Variants in LDLRAD4 observed in about 807,000 individuals in gnomAD.
LDLRAD4 encodes low-density lipoprotein receptor class A domain-containing protein 4.
Under a neutral mutation model 17.0 loss-of-function variants are expected in LDLRAD4, and 5 were observed. That is an observed-to-expected ratio of 0.29 (90% CI 0.15 to 0.62). The LOEUF (loss-of-function observed/expected upper bound fraction) is 0.62. Ranked by LOEUF, LDLRAD4 falls within the 20% of genes least tolerant of loss-of-function variation. The pLI is 0.84. For synonymous variants in LDLRAD4, 168 were observed against 171.8 expected (o/e 0.98, Z 0.17); for missense variants, 340 against 424.7 (o/e 0.80, Z 1.75).
intron 1 of LDLRAD4, among the ~76,000 whole-genome samples, chr18:13,260,764 T>C (rs1425870031): frequency 6.6e-6 from 1 of 152,242 alleles, no homozygotes; most frequent in Non-Finnish European, 1.5e-5. Flanking sequence ...CATCCTTGAA[T>C]ACCCACTGTT....
At chr18:13,592,249 T>G (rs138920242) in intron 3 of LDLRAD4, among the ~76,000 whole-genome samples, 63 of 152,348 alleles carry the variant, frequency 4.1e-4, no homozygotes, top group Middle Eastern at 6.8e-3. Context: ...CAGTGAGAAA[T>G]GCATCTTGCA....
chr18:13,327,342 A>G (rs112150944), intron 1 of LDLRAD4, among the ~76,000 whole-genome samples: 2,366 of 152,108 alleles, frequency 0.016, 30 homozygotes, highest in African/African-American at 0.043. Flanking sequence ...GCCCCAAGGG[A>G]CATGGGGCCT....
chr18:13,499,189 C>A (rs1336703969), intron 3 of LDLRAD4, among the ~76,000 whole-genome samples: 1 of 145,500 alleles, frequency 6.9e-6, no homozygotes, highest in African/African-American at 2.6e-5. Flanking sequence ...AATCCTTCTA[C>A]TCACACACAT....
chr18:13,636,245 G>A lies in LDLRAD4; in HGVS notation c.337-7114G>A, dbSNP rs185444407. 2.6e-4 allele frequency among the ~76,000 whole-genome samples: 39 copies of A among 152,132 alleles called. 1 individual carries two copies. Among genetic ancestry groups the A allele is most frequent in the Admixed American group, 1.7e-3 (26 of 15,286 alleles). On this transcript the variant is annotated intron_variant, in intron 4 of 5. Coordinates refer to ENST00000359446, the Ensembl canonical transcript of LDLRAD4. ...CACAGTCCCAGCATGCTCAAGTCCCGCAGTCTGTCCTGCTGAACCCATGGA... is the reference window on the plus strand; with the variant it reads ...CACAGTCCCAGCATGCTCAAGTCCCACAGTCTGTCCTGCTGAACCCATGGA...
At chr18:13,602,204 G>T (rs551203745) in intron 3 of LDLRAD4, among the ~76,000 whole-genome samples, 1 of 152,124 alleles carries the variant, frequency 6.6e-6, no homozygotes, top group African/African-American at 2.4e-5. Context: ...ACTTCCTATC[G>T]GGTATTATGC....
At chr18:13,397,298 C>T (rs530841299) in intron 2 of LDLRAD4, among the ~76,000 whole-genome samples, 2 of 152,204 alleles carry the variant, frequency 1.3e-5, no homozygotes, top group Non-Finnish European at 2.9e-5. Flanking sequence ...CACCCGCCAC[C>T]ACACCTGCCT....
At chr18:13,343,131 G>C (rs905143352) in intron 1 of LDLRAD4, among the ~76,000 whole-genome samples, 2 of 151,834 alleles carry the variant, frequency 1.3e-5, no homozygotes, top group African/African-American at 4.8e-5. Context: ...TGTGCACAAC[G>C]TGCAGGTTAG....
chr18:13,477,158 C>G (rs1055441972), intron 3 of LDLRAD4, among the ~76,000 whole-genome samples: 2 of 152,152 alleles, frequency 1.3e-5, no homozygotes, highest in Non-Finnish European at 2.9e-5. Context: ...CCCTAATTTT[C>G]CCCAGAGGGG....
rs923052268 is a variant in LDLRAD4, at chr18:13,440,336, G to T, written c.181+1952G>T. ...GGTTTTTGAGGCCTATCTCCAGATC[G>T]CTTTTCCACTCATTTTTTAAAATGC... On this transcript the variant is annotated intron_variant, in intron 3 of 5. Transcript: ENST00000359446. This position sits in a 1 kb window ranked among gnomAD's most constrained non-coding sequence, Gnocchi z 4.4. Among the ~76,000 whole-genome samples the T allele has an allele frequency of 6.6e-6, 1 of 151,910 alleles. No individual in the cohort carries two copies. The highest frequency in any genetic ancestry group is 2.4e-5 in the African/African-American group (1 of 41,320).
intron 3 of LDLRAD4, among the ~76,000 whole-genome samples, chr18:13,508,657 T>C (rs2093731665): frequency 6.6e-6 from 1 of 152,198 alleles, no homozygotes; most frequent in Non-Finnish European, 1.5e-5. Flanking sequence ...TCCATAGATG[T>C]ATTTTTAGCC....
intron 4 of LDLRAD4, chr18:13,641,745 G>C: frequency 1.0e-6 from 1 of 985,312 alleles, no homozygotes; most frequent in Non-Finnish European, 1.2e-6. Flanking sequence ...GCGGGGCGCT[G>C]GGTCAGCCGA....
intron 1 of LDLRAD4, among the ~76,000 whole-genome samples, chr18:13,317,263 C>T (rs144742759): frequency 3.2e-4 from 48 of 152,326 alleles, no homozygotes; most frequent in Admixed American, 1.8e-3. Flanking sequence ...TAAATTGCCC[C>T]TACACGTATC....
chr18:13,413,007 C>G (rs1446282855), intron 2 of LDLRAD4, among the ~76,000 whole-genome samples: 1 of 152,208 alleles, frequency 6.6e-6, no homozygotes, highest in Non-Finnish European at 1.5e-5. Flanking sequence ...GACAGGATCA[C>G]AGCAAGGCTG....
chr18:13,493,325 A>G (rs1334497516), intron 3 of LDLRAD4, among the ~76,000 whole-genome samples: 2 of 151,950 alleles, frequency 1.3e-5, no homozygotes, highest in South Asian at 2.1e-4. Flanking sequence ...TTCTTTTTCT[A>G]TTTTTTTGCA....
chr18:13,550,833 C>T (rs910947439), intron 3 of LDLRAD4, among the ~76,000 whole-genome samples: 1 of 152,144 alleles, frequency 6.6e-6, no homozygotes, highest in African/African-American at 2.4e-5. Context: ...AAGTCCCTTC[C>T]TCTGCGAGCA....
Position 13,536,620 on chromosome 18 carries a change from T to C in LDLRAD4, c.182-84497T>C, listed in dbSNP as rs375345792. On this transcript the variant is annotated intron_variant, in intron 3 of 5. Coordinates refer to ENST00000359446, the Ensembl canonical transcript of LDLRAD4. ...TATGCCTTTAATGTCTTTTTTTTTT[T>C]ACTTTACTGCACTGTTCAGAACCTT... Among the ~76,000 whole-genome samples, 22 of 152,176 alleles carry C rather than the reference T, an allele frequency of 1.4e-4. 1 individual carries two copies. The South Asian group carries it at 3.7e-3, about 26-fold the overall frequency.
At chr18:13,231,246 C>T (rs1323395444) in intron 1 of LDLRAD4, among the ~76,000 whole-genome samples, 2 of 152,094 alleles carry the variant, frequency 1.3e-5, no homozygotes, top group Admixed American at 1.3e-4. Flanking sequence ...GGGGTCTGGA[C>T]CGGTTTTGCT....
chr18:13,397,358 T>C (rs2086789499), intron 2 of LDLRAD4, among the ~76,000 whole-genome samples: 1 of 152,206 alleles, frequency 6.6e-6, no homozygotes, highest in Non-Finnish European at 1.5e-5. Context: ...TTAGCCAGGA[T>C]GGTCTCTATC....
intron 1 of LDLRAD4, among the ~76,000 whole-genome samples, chr18:13,301,777 G>A (rs2046617480): frequency 6.6e-6 from 1 of 152,186 alleles, no homozygotes; most frequent in Admixed American, 6.5e-5. Flanking sequence ...GTGATGGATG[G>A]CCTAAAGAAA....
Sources: gnomAD v4.1 joint callset for allele counts (sites outside exome capture counted in the v4.1 genomes callset) on GRCh38, gnomAD v4.1.1 for gene constraint, Gnocchi (gnomAD v3.1) non-coding constraint, MANE v1.5 for transcripts, NCBI Gene and HGNC (gene_info 2026-07-23, HGNC 2026-07-21) for gene names.